ATP2B3: variants seen among roughly 807,000 people sequenced by gnomAD.
ATP2B3 encodes ATPase plasma membrane Ca2+ transporting 3.
In ATP2B3, 12 loss-of-function variants were observed where a neutral mutation model predicts 70.8. The ratio of observed to expected loss-of-function variants is 0.17; its 90% confidence interval spans 0.11 to 0.27. The LOEUF (loss-of-function observed/expected upper bound fraction) is 0.27. Among genes scored for constraint, ATP2B3 ranks in the 10% least tolerant of loss-of-function variants. The pLI is 1.00. For synonymous variants in ATP2B3, 460 were observed against 497.8 expected (o/e 0.92, Z 1.01); for missense variants, 858 against 1,118.5 (o/e 0.77, Z 3.32).
chrX:153,572,531 C>T (rs782651234), intron 21 of ATP2B3, among the ~76,000 whole-genome samples: 5 of 111,973 alleles, frequency 4.5e-5, no homozygotes, highest in Non-Finnish European at 7.5e-5. Flanking sequence ...GATTTGGGAT[C>T]GCTGGGGCTC....
At chrX:153,547,104 G>A (rs1557009063) in intron 8 of ATP2B3, among the ~76,000 whole-genome samples, 4 of 111,677 alleles carry the variant, frequency 3.6e-5, no homozygotes, top group South Asian at 3.8e-4. Flanking sequence ...AGGTCGCTGC[G>A]TCGGTCCCGG....
chrX:153,539,289 G>T (rs1452049897), intron 3 of ATP2B3, among the ~76,000 whole-genome samples: 5 of 112,601 alleles, frequency 4.4e-5, no homozygotes, highest in South Asian at 7.4e-4. Flanking sequence ...GATTGGGGCA[G>T]GCTCGGGCCT....
At chrX:153,563,276 G>T (rs1410772069) in intron 20 of ATP2B3, among the ~76,000 whole-genome samples, 2 of 107,614 alleles carry the variant, frequency 1.9e-5, no homozygotes, top group Admixed American at 1.0e-4. Context: ...CAAGCAGCTG[G>T]GACCACAGGC....
intron 21 of ATP2B3, among the ~76,000 whole-genome samples, chrX:153,567,913 CT>C (rs1435620318): frequency 1.8e-5 from 2 of 112,484 alleles, no homozygotes; most frequent in African/African-American, 6.5e-5. Context: ...AGCATCTGCT[CT>C]CTTTGATTCG....
At chrX:153,559,075 A>G (rs782750603) in intron 17 of ATP2B3, among the ~76,000 whole-genome samples, 42 of 111,904 alleles carry the variant, frequency 3.8e-4, no homozygotes, top group African/African-American at 1.3e-3. Context: ...AAACTTCAAC[A>G]GAACCATTTT....
intron 21 of ATP2B3, among the ~76,000 whole-genome samples, chrX:153,578,871 A>G (rs1557021969): frequency 8.9e-6 from 1 of 112,440 alleles, no homozygotes; most frequent in Non-Finnish European, 1.9e-5. Flanking sequence ...CAGGGGCACC[A>G]GATTGAACCA....
At chrX:153,538,569 G>A (rs1290861463) in intron 3 of ATP2B3, among the ~76,000 whole-genome samples, 1 of 113,034 alleles carries the variant, frequency 8.8e-6, no homozygotes, top group Non-Finnish European at 1.9e-5. Flanking sequence ...TCCACAGGCA[G>A]TTCTGGAAAG....
chrX:153,541,684 C>G lies in ATP2B3; in HGVS notation c.422C>G (p.Ser141Trp). ...GEESEACGNV[S>W]GGAEDEGEAE... ...CTCCGCACAGCCTGTGGGAATGTGT[C>G]GGGAGGCGCAGAAGATGAGGGCGAG... The change falls in exon 5 of 22, where the codon TCG (serine) becomes TGG (tryptophan). Residue 141 changes from serine (S) to tryptophan (W), a missense_variant. Transcript: ENST00000263519. 1 of 1,210,880 alleles carries G rather than the reference C, an allele frequency of 8.3e-7. No homozygotes were observed. The highest frequency in any genetic ancestry group is 1.1e-6 in the Non-Finnish European group (1 of 895,244).
chrX:153,548,836 C>T lies in ATP2B3; in HGVS notation c.1320C>T (p.Ser440=). ...GCCTGCCTCTTGCTGTCACCATCTCCTTAGCTTACTCTGTCAAGGTAATCA... is the reference window on the plus strand; with the variant it reads ...GCCTGCCTCTTGCTGTCACCATCTCTTTAGCTTACTCTGTCAAGGTAATCA... ...PEGLPLAVTI[S]LAYSVKKMMK... The change falls in exon 10 of 22, where the codon TCC becomes TCT. Residue 440 remains serine, a synonymous_variant. Coordinates refer to ENST00000263519, the MANE Select transcript of ATP2B3 (RefSeq NM_001001344.3). 1 of 1,210,856 alleles carries T rather than the reference C, an allele frequency of 8.3e-7. No individual in the cohort carries two copies.
Position 153,564,869 on chromosome X carries a change from G to A in ATP2B3, c.3160-52G>A, listed in dbSNP as rs782496056. On this transcript the variant is annotated intron_variant, in intron 20 of 21. Coordinates refer to ENST00000263519, the MANE Select transcript of ATP2B3 (RefSeq NM_001001344.3). ...CCTCTGGAGAGGGACCTTACACCAGGCAGATGCTGCTCAGCCTGGCTCTCA... is the reference window on the plus strand; with the variant it reads ...CCTCTGGAGAGGGACCTTACACCAGACAGATGCTGCTCAGCCTGGCTCTCA... 4 of 1,093,495 alleles carry A rather than the reference G, an allele frequency of 3.7e-6. No homozygotes were observed. The East Asian group carries it at 1.0e-4, about 27-fold the overall frequency. The allele number at this position is 1,093,495 out of a possible 1,213,427, so 90.1% of individuals were successfully genotyped here.
chrX:153,557,163 C>T (rs782698748), intron 16 of ATP2B3, 140 bp downstream of exon 16: 3 of 617,565 alleles, frequency 4.9e-6, no homozygotes, highest in Non-Finnish European at 5.0e-6. Flanking sequence ...CTTTCACATC[C>T]TGGCCACTTG....
intron 21 of ATP2B3, among the ~76,000 whole-genome samples, chrX:153,568,453 C>T (rs1192898287): frequency 1.8e-5 from 2 of 110,779 alleles, no homozygotes; most frequent in African/African-American, 3.3e-5. Context: ...TCACTTTTGC[C>T]GCAGCGAGAG....
intron 2 of ATP2B3, among the ~76,000 whole-genome samples, chrX:153,527,498 T>C (rs1262097694): frequency 8.9e-6 from 1 of 112,963 alleles, no homozygotes; most frequent in Non-Finnish European, 1.9e-5. Context: ...AGTGTCATTA[T>C]GCTTCCTGCT....
In ATP2B3 at chrX:153,536,462, C is replaced by A. The variant is rs782603435; in HGVS notation, c.208+7C>A. The stretch of plus-strand genomic sequence containing the variant: ...AAGACCTCACCCACAGAGGGTAAGT[C>A]CCTCTCAGGCTGCATGCCACCCAGC... On this transcript the variant is annotated splice_region_variant and intron_variant, in intron 3 of 21. Transcript: ENST00000263519. The A allele has an allele frequency of 9.4e-5, 111 of 1,185,099 alleles. No homozygotes were observed. In the Admixed American group the frequency reaches 2.6e-3, roughly 28 times the overall value.
chrX:153,518,133 G>A lies in ATP2B3; in HGVS notation c.-247+258G>A, dbSNP rs1418477924. On this transcript the variant is annotated intron_variant, in intron 1 of 21. Coordinates refer to ENST00000263519, the MANE Select transcript of ATP2B3 (RefSeq NM_001001344.3). ...GCACCCTGCGCCCCGCATCGCGCGCGCACGCGCATCCGTGTCTGAGGAACA... is the reference window on the plus strand; with the variant it reads ...GCACCCTGCGCCCCGCATCGCGCGCACACGCGCATCCGTGTCTGAGGAACA... 4.4e-5 allele frequency among the ~76,000 whole-genome samples: 5 copies of A among 112,528 alleles called. No homozygotes were observed. In the Admixed American group the frequency reaches 4.6e-4, roughly 10 times the overall value.
chrX:153,521,251 A>G (rs1216979287), intron 2 of ATP2B3, among the ~76,000 whole-genome samples: 2 of 113,353 alleles, frequency 1.8e-5, no homozygotes, highest in African/African-American at 6.4e-5. Flanking sequence ...CTGGCTGGAA[A>G]GCCCTCCCCT....
intron 5 of ATP2B3, 94 bp from the exon 6 acceptor site, chrX:153,542,229 T>C: frequency 1.7e-6 from 2 of 1,152,675 alleles, no homozygotes; most frequent in South Asian, 4.0e-5. Flanking sequence ...CCTGAGTCCC[T>C]TTCCCAGGCG....
chrX:153,548,194 G>A (rs2090399591), intron 9 of ATP2B3, among the ~76,000 whole-genome samples, 195 bp downstream of exon 9: 2 of 112,833 alleles, frequency 1.8e-5, no homozygotes, highest in South Asian at 7.3e-4. Context: ...CTAGTGAGCA[G>A]AAGTCCCAAA....
chrX:153,527,242 C>T (rs1344013563), intron 2 of ATP2B3, among the ~76,000 whole-genome samples: 16 of 112,846 alleles, frequency 1.4e-4, no homozygotes, highest in Non-Finnish European at 5.6e-5. Flanking sequence ...CTATGAAGGG[C>T]TGGGAGGACA....
Sources: allele counts gnomAD v4.1 joint callset (sites outside exome capture counted in the v4.1 genomes callset), GRCh38; gene constraint gnomAD v4.1.1; transcripts MANE v1.5; gene names NCBI Gene and HGNC (gene_info 2026-07-23, HGNC 2026-07-21).